Variants in YY1 observed in about 807,000 individuals in gnomAD.
The protein encoded by YY1 is transcriptional repressor protein YY1.
A neutral mutation model predicts 35.6 loss-of-function variants in YY1; 2 were observed. That is an observed-to-expected ratio of 0.06 (90% CI 0.02 to 0.18). The LOEUF is 0.18. Ranked by LOEUF, YY1 falls within the 10% of genes least tolerant of loss-of-function variation. YY1 has a pLI of 1.00. For missense variants in YY1, 322 were observed against 573.4 expected (o/e 0.56, Z 4.48); for synonymous variants, 268 against 238.9 (o/e 1.12, Z -1.12).
intron 1 of YY1, among the ~76,000 whole-genome samples, chr14:100,261,821 T>C (rs1891089858): frequency 6.6e-6 from 1 of 152,020 alleles, no homozygotes; most frequent in Non-Finnish European, 1.5e-5. Context: ...ACTGAATTGG[T>C]AGTTGCCAGG....
At chr14:100,250,803 C>G (rs560784087) in intron 1 of YY1, among the ~76,000 whole-genome samples, 2 of 150,580 alleles carry the variant, frequency 1.3e-5, no homozygotes, top group African/African-American at 4.9e-5. Context: ...TGAGACCAAC[C>G]TGGGCAACAT....
At chr14:100,274,627 CTA>C in intron 2 of YY1, 69 bp from the exon 3 acceptor site, 3 of 1,338,520 alleles carry the variant, frequency 2.2e-6, no homozygotes, top group Non-Finnish European at 3.2e-6. Flanking sequence ...ATTTTAGGGA[CTA>C]TATGATTTAT....
intron 1 of YY1, among the ~76,000 whole-genome samples, chr14:100,243,964 C>T (rs1291758231): frequency 1.3e-5 from 2 of 152,076 alleles, no homozygotes; most frequent in Non-Finnish European, 2.9e-5. Context: ...AGAAATTAGC[C>T]GGGCGCTGTG....
chr14:100,258,370 G>A (rs1165886328), intron 1 of YY1, among the ~76,000 whole-genome samples: 3 of 151,828 alleles, frequency 2.0e-5, no homozygotes, highest in Non-Finnish European at 2.9e-5. Flanking sequence ...TCTCTTTTTC[G>A]GAATACATCC....
chr14:100,241,333 G>A (rs1890738303), intron 1 of YY1, among the ~76,000 whole-genome samples: 1 of 152,180 alleles, frequency 6.6e-6, no homozygotes, highest in Admixed American at 6.5e-5. Context: ...AGTATTAAAA[G>A]ATCGTTAAAA....
At chr14:100,250,315 C>T (rs1050212754) in intron 1 of YY1, among the ~76,000 whole-genome samples, 2 of 152,130 alleles carry the variant, frequency 1.3e-5, no homozygotes, top group Non-Finnish European at 2.9e-5. Context: ...AAATGTTTAG[C>T]TCTCCCCTGT....
chr14:100,276,790 G>C lies in YY1; in HGVS notation c.1062+142G>C. ...CTTGGTGAGAAACAAAACTTCTCCT[G>C]GGGAGTCGCTTAGAAGGGTTGCCGG... On this transcript the variant is annotated intron_variant, in intron 4 of 4. Transcript: ENST00000262238. This position sits in a 1 kb window ranked among gnomAD's most constrained non-coding sequence, Gnocchi z 4.1. The C allele has an allele frequency of 7.8e-7, 1 of 1,290,126 alleles. No homozygotes were observed. Among genetic ancestry groups the C allele is most frequent in the Non-Finnish European group, 1.1e-6 (1 of 920,290 alleles). The allele number at this position is 1,290,126 out of a possible 1,614,324, so 79.9% of individuals were successfully genotyped here. A position where few individuals can be genotyped will look rare whatever the true frequency, so the allele number is the denominator to read the frequency against.
Position 100,239,595 on chromosome 14 carries a change from C to A in YY1, c.351C>A (p.Asp117Glu). ...QTREEVVGGD[D>E]SDGLRAEDGF... ...GCGAGGAGGTGGTGGGCGGCGACGA[C>A]TCGGACGGGCTGCGCGCCGAGGACG... The change falls in exon 1 of 5, where the codon GAC becomes GAA. Residue 117 changes from aspartate (D) to glutamate (E), a missense_variant. Coordinates refer to ENST00000262238, the MANE Select transcript of YY1 (RefSeq NM_003403.5). 6.2e-7 allele frequency: 1 copy of A among 1,612,466 alleles called. No homozygotes were observed. Among genetic ancestry groups the A allele is most frequent in the East Asian group, 2.2e-5 (1 of 44,812 alleles).
chr14:100,270,972 G>A lies in YY1; in HGVS notation c.843-3726G>A, dbSNP rs186810985. ...CTTAAAAAAAAAAAATAGGCTGGGCGCGGTGGCTCACGCCTGTAATCCCCG... is the reference window on the plus strand; with the variant it reads ...CTTAAAAAAAAAAAATAGGCTGGGCACGGTGGCTCACGCCTGTAATCCCCG... On this transcript the variant is annotated intron_variant, in intron 2 of 4. Coordinates refer to ENST00000262238, the MANE Select transcript of YY1 (RefSeq NM_003403.5). Among the ~76,000 whole-genome samples, 1,084 of 152,204 alleles carry A rather than the reference G, an allele frequency of 7.1e-3. 9 individuals carry two copies. Among genetic ancestry groups the A allele is most frequent in the Non-Finnish European group, 0.012 (793 of 68,004 alleles).
chr14:100,273,226 A>G (rs1289494705), intron 2 of YY1, among the ~76,000 whole-genome samples: 1 of 152,028 alleles, frequency 6.6e-6, no homozygotes, highest in East Asian at 1.9e-4. Context: ...CGGCCTCCCA[A>G]AGTGCTGGGA....
At chr14:100,249,748 G>GT (rs57119106) in intron 1 of YY1, among the ~76,000 whole-genome samples, 7,376 of 140,828 alleles carry the variant, frequency 0.052, 262 homozygotes, top group African/African-American at 0.082. Flanking sequence ...GCTACTTACC[G>GT]TTTTTTTTTT....
In YY1 at chr14:100,262,484, T is replaced by C. The variant is rs1307811610; in HGVS notation, c.842+18T>C. ...TTTGCTAGGTAAGTTATAAGAACTT[T>C]CCTTTCTTTTAATTATAGAAAGTGC... On this transcript the variant is annotated intron_variant, in intron 2 of 4. Coordinates refer to ENST00000262238, the MANE Select transcript of YY1 (RefSeq NM_003403.5). The C allele has an allele frequency of 1.9e-6, 3 of 1,613,236 alleles. No homozygotes were observed. The highest frequency in any genetic ancestry group is 1.3e-5 in the African/African-American group (1 of 74,914).
In YY1 at chr14:100,272,306, AAAAG is replaced by A. The variant is rs1406385662; in HGVS notation, c.843-2384_843-2381del. ...GTGAGACTCTGTCTCAAAAAAAAAAAAAAGAAAGAAAAGGAAAAGAGAAAATGTT... is the reference window on the plus strand; with the variant it reads ...GTGAGACTCTGTCTCAAAAAAAAAAAAAAGAAAAGGAAAAGAGAAAATGTT... On this transcript the variant is annotated intron_variant, in intron 2 of 4. Coordinates refer to ENST00000262238, the MANE Select transcript of YY1 (RefSeq NM_003403.5). Among the ~76,000 whole-genome samples the A allele has an allele frequency of 3.5e-4, 53 of 151,194 alleles. 1 individual carries two copies. The highest frequency in any genetic ancestry group is 6.1e-4 in the Non-Finnish European group (41 of 67,546).
At position 100,255,580 on chromosome 14, in the gene YY1, C is replaced by T. The variant is rs116056407; in HGVS notation, c.680-6724C>T. Among the ~76,000 whole-genome samples, 797 of 152,296 alleles carry T rather than the reference C, an allele frequency of 5.2e-3. 8 individuals are homozygous for T. Among genetic ancestry groups the T allele is most frequent in the African/African-American group, 0.018 (750 of 41,552 alleles). On this transcript the variant is annotated intron_variant, in intron 1 of 4. Transcript: ENST00000262238. ...GTTGCGGTGAGCCAACATTGCACCA[C>T]TGCACTCCAACCTGGGGGGGACAGA... is the stretch of plus-strand genomic sequence containing the variant.
At chr14:100,267,359 A>G (rs1032746597) in intron 2 of YY1, among the ~76,000 whole-genome samples, 2 of 152,194 alleles carry the variant, frequency 1.3e-5, no homozygotes, top group African/African-American at 4.8e-5. Context: ...CATAATCACA[A>G]TATGAATGTA....
Position 100,239,834 on chromosome 14 carries a change from G to GCGCCGA in YY1, c.592_597dup (p.Ala198_Asp199dup). 6.7e-7 allele frequency: 1 copy of GCGCCGA among 1,491,082 alleles called. No individual in the cohort carries two copies. The highest frequency in any genetic ancestry group is 1.4e-5 in the African/African-American group (1 of 69,020). The allele number at this position is 1,491,082 out of a possible 1,614,324, so 92.4% of individuals were successfully genotyped here. A position where few individuals can be genotyped will look rare whatever the true frequency, so the allele number is the denominator to read the frequency against. ...GGGGCCGGCGCGGCGGGCGGCGGCG[G>GCGCCGA]CGCCGACCCGGGCAACAAGAAGTGG... On this transcript the variant is annotated inframe_insertion, in exon 1 of 5. Coordinates refer to ENST00000262238, the MANE Select transcript of YY1 (RefSeq NM_003403.5).
chr14:100,274,781 T>C (rs749768085), intron 3 of YY1, 23 bp downstream of exon 3: 10 of 1,606,592 alleles, frequency 6.2e-6, no homozygotes, highest in Non-Finnish European at 8.5e-6. Flanking sequence ...AGAGGGAGAG[T>C]GTTCATTAAA....
At chr14:100,255,980 A>G (rs538860416) in intron 1 of YY1, among the ~76,000 whole-genome samples, 34 of 152,202 alleles carry the variant, frequency 2.2e-4, no homozygotes, top group African/African-American at 5.1e-4. Context: ...GGGGCTTTCA[A>G]TGCAGTCTGA....
intron 1 of YY1, among the ~76,000 whole-genome samples, chr14:100,251,903 C>T (rs778416680): frequency 2.0e-4 from 31 of 152,118 alleles, no homozygotes; most frequent in Non-Finnish European, 1.6e-4. Context: ...GCTGGGATTA[C>T]AGGTGTGAAC....
Sources: gnomAD v4.1 joint callset for allele counts (sites outside exome capture counted in the v4.1 genomes callset) on GRCh38, gnomAD v4.1.1 for gene constraint, Gnocchi (gnomAD v3.1) non-coding constraint, MANE v1.5 for transcripts, NCBI Gene and HGNC (gene_info 2026-07-23, HGNC 2026-07-21) for gene names.